Variants in PSD3 observed in about 807,000 individuals in gnomAD.
PSD3 encodes PH and SEC7 domain-containing protein 3.
Under a neutral mutation model 105.5 loss-of-function variants are expected in PSD3, and 49 were observed. The ratio of observed to expected loss-of-function variants is 0.46; its 90% CI spans 0.37 to 0.59. The LOEUF is 0.59. PSD3 is among the 20% of genes least tolerant of loss of function. The pLI is 0.00. For missense variants in PSD3, 1,561 were observed against 1,263.8 expected, an observed-to-expected ratio of 1.24 and a Z score of -3.57; for synonymous variants, 557 against 457.8, an observed-to-expected ratio of 1.22 and a Z score of -2.77.
chr8:18,752,586 T>TAATA (rs1554489540), intron 9 of PSD3, among the ~76,000 whole-genome samples: 5 of 78,068 alleles, frequency 6.4e-5, no homozygotes, highest in African/African-American at 3.6e-4. Flanking sequence ...ATTATATATA[T>TAATA]TATATATTAT....
At chr8:18,854,307 A>T (rs1473698630) in intron 4 of PSD3, 1 of 152,730 alleles carries the variant, frequency 6.5e-6, no homozygotes, top group Non-Finnish European at 1.5e-5. Flanking sequence ...CAGGGATACG[A>T]ACTTGAAAGA....
intron 12 of PSD3, among the ~76,000 whole-genome samples, chr8:18,595,541 A>C (rs2717750): frequency 0.022 from 3,362 of 151,758 alleles, 138 homozygotes; most frequent in African/African-American, 0.076. Context: ...CAAGAGACTC[A>C]CTTTAGATTT....
intron 4 of PSD3, among the ~76,000 whole-genome samples, chr8:18,845,115 G>C (rs1563337953): frequency 6.6e-6 from 1 of 152,026 alleles, no homozygotes; most frequent in Admixed American, 6.6e-5. Context: ...TAAAAATATG[G>C]TATCTTGTCT....
At chr8:18,711,711 G>C (rs975144535) in intron 9 of PSD3, among the ~76,000 whole-genome samples, 3 of 152,104 alleles carry the variant, frequency 2.0e-5, no homozygotes, top group African/African-American at 7.2e-5. Flanking sequence ...GACAATATCA[G>C]ACAGATCGTC....
chr8:18,925,084 G>C (rs1324010814), intron 2 of PSD3, among the ~76,000 whole-genome samples: 1 of 152,182 alleles, frequency 6.6e-6, no homozygotes, highest in Non-Finnish European at 1.5e-5. Context: ...CAATTAAGAA[G>C]GGGCTTGTAT....
At chr8:18,942,764 A>G (rs1406244695) in intron 1 of PSD3, among the ~76,000 whole-genome samples, 1 of 152,230 alleles carries the variant, frequency 6.6e-6, no homozygotes, top group African/African-American at 2.4e-5. Flanking sequence ...TCTACTCTCT[A>G]GAACTGTAAG....
At chr8:18,920,025 A>G (rs533051628) in intron 2 of PSD3, among the ~76,000 whole-genome samples, 83 of 148,786 alleles carry the variant, frequency 5.6e-4, no homozygotes, top group African/African-American at 1.9e-3. Flanking sequence ...ATTAAAAAAA[A>G]AAAAAACAAT....
intron 9 of PSD3, among the ~76,000 whole-genome samples, chr8:18,700,545 T>C (rs1341260591): frequency 6.6e-6 from 1 of 152,182 alleles, no homozygotes; most frequent in African/African-American, 2.4e-5. Flanking sequence ...ATCAACAATG[T>C]GCTTCCGGAG....
chr8:18,813,281 A>G (rs1251806873), intron 4 of PSD3, among the ~76,000 whole-genome samples: 3 of 152,186 alleles, frequency 2.0e-5, no homozygotes, highest in South Asian at 2.1e-4. Flanking sequence ...GTGTGCACAC[A>G]TGGAAAGAAA....
chr8:18,808,896 G>A lies in PSD3; in HGVS notation c.1635-3998C>T. 20 of 1,563,724 alleles carry A rather than the reference G, an allele frequency of 1.3e-5. No individual in the cohort carries two copies. The South Asian group carries it at 2.1e-4, about 17-fold the overall frequency. On this transcript the variant is annotated intron_variant, in intron 4 of 15. Coordinates refer to ENST00000327040, the MANE Select transcript of PSD3 (RefSeq NM_015310.4). ...GAGCCTCACAGCCTTCCAAGAACCT[G>A]GCTCCCTGTGAGGTCACACTACTAT...
intron 1 of PSD3, among the ~76,000 whole-genome samples, chr8:18,977,154 G>A (rs1824986361): frequency 6.6e-6 from 1 of 151,632 alleles, no homozygotes; most frequent in African/African-American, 2.4e-5. Context: ...CAGCTACTTG[G>A]GAGGCTGAGG....
At chr8:18,568,062 C>T (rs1801903071) in intron 14 of PSD3, among the ~76,000 whole-genome samples, 1 of 152,170 alleles carries the variant, frequency 6.6e-6, no homozygotes, top group Admixed American at 6.5e-5. Context: ...TTCCCTTTCC[C>T]CTTCTATCAT....
At chr8:18,985,013 A>G (rs538234055) in intron 1 of PSD3, among the ~76,000 whole-genome samples, 60 of 152,258 alleles carry the variant, frequency 3.9e-4, no homozygotes, top group Non-Finnish European at 7.4e-4. Flanking sequence ...GGATCACTAC[A>G]ACCTCTGCCC....
intron 6 of PSD3, chr8:18,803,420 T>TGTGTGTGTGTG (rs1554507263): frequency 8.6e-5 from 13 of 151,426 alleles, no homozygotes; most frequent in South Asian, 2.1e-4. Context: ...TGTGTGTGTG[T>TGTGTGTGTGTG]TAAACTCATC....
At chr8:18,902,193 T>A (rs372460230) in intron 2 of PSD3, among the ~76,000 whole-genome samples, 51 of 152,304 alleles carry the variant, frequency 3.3e-4, no homozygotes, top group Middle Eastern at 3.4e-3. Context: ...AACACAAATA[T>A]TTATTTACTT....
At chr8:18,839,847 C>T (rs1462705431) in intron 4 of PSD3, among the ~76,000 whole-genome samples, 3 of 152,088 alleles carry the variant, frequency 2.0e-5, no homozygotes, top group Admixed American at 1.3e-4. Flanking sequence ...TCTTCCCTGC[C>T]TCCCACACAG....
At chr8:18,904,189 G>T (rs1819689803) in intron 2 of PSD3, among the ~76,000 whole-genome samples, 1 of 152,148 alleles carries the variant, frequency 6.6e-6, no homozygotes, top group Admixed American at 6.5e-5. Context: ...AAGAGAGAGA[G>T]AAGGAGGTGC....
chr8:18,854,457 T>C (rs1324073554), intron 4 of PSD3: 1 of 152,336 alleles, frequency 6.6e-6, no homozygotes, highest in Admixed American at 6.5e-5. Context: ...AAGAGCCAGA[T>C]GGCAAGCTGA....
intron 1 of PSD3, among the ~76,000 whole-genome samples, chr8:19,020,748 G>A (rs997618732): frequency 7.2e-5 from 11 of 152,080 alleles, no homozygotes; most frequent in Non-Finnish European, 1.6e-4. Context: ...TGAAGATTGA[G>A]CTCACAGAAT....
Sources: gnomAD v4.1 joint callset for allele counts (sites outside exome capture counted in the v4.1 genomes callset) on GRCh38, gnomAD v4.1.1 for gene constraint, MANE v1.5 for transcripts, NCBI Gene and HGNC (gene_info 2026-07-23, HGNC 2026-07-21) for gene names.